GABRB2: variants seen among roughly 807,000 people sequenced by gnomAD.
GABRB2 encodes the protein gamma-aminobutyric acid receptor subunit beta-2.
In GABRB2, 16 loss-of-function variants were observed where a neutral mutation model predicts 54.7. That is an observed-to-expected ratio of 0.29 (90% CI 0.20 to 0.44). GABRB2 has a LOEUF of 0.44. GABRB2 is among the 20% of genes least tolerant of loss of function. The pLI is 1.00. For missense variants in GABRB2, 355 were observed against 644.0 expected, an observed-to-expected ratio of 0.55 and a Z score of 4.86; for synonymous variants, 244 against 233.8, an observed-to-expected ratio of 1.04 and a Z score of -0.40.
chr5:161,395,671 A>T (rs1163264338), intron 5 of GABRB2, among the ~76,000 whole-genome samples: 1 of 152,158 alleles, frequency 6.6e-6, no homozygotes, highest in Non-Finnish European at 1.5e-5. Context: ...GAAGGTGTGT[A>T]GGAGTTAGCT....
chr5:161,317,200 A>G (rs1391387479), intron 9 of GABRB2, among the ~76,000 whole-genome samples: 1 of 152,168 alleles, frequency 6.6e-6, no homozygotes, highest in Non-Finnish European at 1.5e-5. Flanking sequence ...ATTACTCAAT[A>G]TGAGTACAGT....
intron 5 of GABRB2, among the ~76,000 whole-genome samples, chr5:161,338,314 C>T (rs1218025832): frequency 6.6e-6 from 1 of 152,016 alleles, no homozygotes; most frequent in African/African-American, 2.4e-5. Flanking sequence ...CAACAGAAGC[C>T]CTCCGGATAT....
At chr5:161,486,406 T>A (rs1261101700) in intron 3 of GABRB2, among the ~76,000 whole-genome samples, 2 of 151,994 alleles carry the variant, frequency 1.3e-5, no homozygotes, top group Non-Finnish European at 2.9e-5. Context: ...ATCTTGCCCA[T>A]TGACTCTAAA....
At chr5:161,501,246 A>G (rs1267673587) in intron 3 of GABRB2, among the ~76,000 whole-genome samples, 1 of 152,148 alleles carries the variant, frequency 6.6e-6, no homozygotes, top group Non-Finnish European at 1.5e-5. Flanking sequence ...TGCCTTCTAA[A>G]AGAAGTCTGA....
chr5:161,345,180 C>T (rs1203115683), intron 5 of GABRB2, among the ~76,000 whole-genome samples: 29 of 151,850 alleles, frequency 1.9e-4, no homozygotes, highest in Admixed American at 1.9e-3. Flanking sequence ...TATCACAGAA[C>T]TTAAAATATA....
chr5:161,440,347 G>T (rs538079024), intron 4 of GABRB2, among the ~76,000 whole-genome samples: 90 of 152,090 alleles, frequency 5.9e-4, no homozygotes, highest in Admixed American at 1.4e-3. Flanking sequence ...TACAAGAAAC[G>T]CACTTCAACT....
At chr5:161,464,145 T>C (rs183897874) in intron 3 of GABRB2, among the ~76,000 whole-genome samples, 471 of 151,994 alleles carry the variant, frequency 3.1e-3, no homozygotes, top group Admixed American at 6.4e-3. Context: ...AATGACACTA[T>C]TAAGGGAGGG....
chr5:161,502,826 AG>A (rs1759492293), intron 3 of GABRB2, among the ~76,000 whole-genome samples: 2 of 152,206 alleles, frequency 1.3e-5, no homozygotes, highest in African/African-American at 4.8e-5. Flanking sequence ...GAGAGGAGGG[AG>A]TTGCACAGAG....
intron 4 of GABRB2, among the ~76,000 whole-genome samples, chr5:161,448,056 A>T (rs1757685433): frequency 6.6e-6 from 1 of 152,164 alleles, no homozygotes; most frequent in African/African-American, 2.4e-5. Context: ...AGGGATAATG[A>T]TGTTTGTGCA....
Position 161,310,669 on chromosome 5 carries a change from G to A in GABRB2, c.1191+15699C>T, listed in dbSNP as rs764605996. Among the ~76,000 whole-genome samples, 111 of 125,686 alleles carry A rather than the reference G, an allele frequency of 8.8e-4. 1 individual carries two copies. Among genetic ancestry groups the A allele is most frequent in the Admixed American group, 4.5e-3 (54 of 12,074 alleles). The allele number at this position is 125,686 out of a possible 152,430, so 82.5% of individuals were successfully genotyped here. ...TGTACACACACATGCACACGCACGC[G>A]CACGCGCGCACACACACACACACAC... is the stretch of plus-strand genomic sequence containing the variant. On this transcript the variant is annotated intron_variant, in intron 9 of 9. Transcript: ENST00000393959.
chr5:161,329,751 A>T (rs1203178819), intron 8 of GABRB2: 1 of 152,220 alleles, frequency 6.6e-6, no homozygotes, highest in East Asian at 1.9e-4. Context: ...CATCATGATG[A>T]ACTATTTATT....
At chr5:161,399,713 C>A (rs2113074152) in intron 5 of GABRB2, among the ~76,000 whole-genome samples, 1 of 152,302 alleles carries the variant, frequency 6.6e-6, no homozygotes, top group East Asian at 1.9e-4. Flanking sequence ...TTTTCTTCAA[C>A]TAAACCTTAA....
At chr5:161,413,699 A>T (rs1235273901) in intron 4 of GABRB2, among the ~76,000 whole-genome samples, 1 of 152,226 alleles carries the variant, frequency 6.6e-6, no homozygotes, top group Non-Finnish European at 1.5e-5. Flanking sequence ...ATTTATGTAA[A>T]ATGGCAGAAA....
At chr5:161,483,720 G>A (rs1395882188) in intron 3 of GABRB2, among the ~76,000 whole-genome samples, 2 of 151,876 alleles carry the variant, frequency 1.3e-5, no homozygotes, top group Non-Finnish European at 2.9e-5. Flanking sequence ...TTAAAATACA[G>A]CATAAAATAA....
At chr5:161,336,116 G>A (rs1208739722) in intron 6 of GABRB2, among the ~76,000 whole-genome samples, 4 of 152,080 alleles carry the variant, frequency 2.6e-5, no homozygotes, top group Non-Finnish European at 5.9e-5. Context: ...CAAAGGCCTC[G>A]GGATAATCTT....
At chr5:161,430,793 T>C (rs1210040062) in intron 4 of GABRB2, among the ~76,000 whole-genome samples, 1 of 152,118 alleles carries the variant, frequency 6.6e-6, no homozygotes, top group Non-Finnish European at 1.5e-5. Flanking sequence ...TAAAAGCCAA[T>C]TAAATTACTA....
chr5:161,460,607 TTAAC>T (rs1022986402), intron 3 of GABRB2, among the ~76,000 whole-genome samples: 8 of 152,134 alleles, frequency 5.3e-5, no homozygotes, highest in African/African-American at 1.7e-4. Context: ...ACTAAAAAAA[TTAAC>T]TAGCACATCC....
At chr5:161,478,108 T>A (rs1210697102) in intron 3 of GABRB2, among the ~76,000 whole-genome samples, 1 of 151,998 alleles carries the variant, frequency 6.6e-6, no homozygotes, top group Non-Finnish European at 1.5e-5. Context: ...TCCCCTCTCC[T>A]TTTGAACAAT....
chr5:161,374,006 C>T (rs369506744), intron 5 of GABRB2, among the ~76,000 whole-genome samples: 4 of 152,096 alleles, frequency 2.6e-5, no homozygotes, highest in Admixed American at 6.6e-5. Context: ...TGCAGTGGCA[C>T]GATCTCGGCT....
Sources: gnomAD v4.1 joint callset for allele counts (sites outside exome capture counted in the v4.1 genomes callset) on GRCh38, gnomAD v4.1.1 for gene constraint, MANE v1.5 for transcripts, NCBI Gene and HGNC (gene_info 2026-07-23, HGNC 2026-07-21) for gene names.